The following JAK1 variants were observed in gnomAD, a reference collection of about 807,000 sequenced individuals.
The protein encoded by JAK1 is tyrosine-protein kinase JAK1.
Under a neutral mutation model 136.6 loss-of-function variants are expected in JAK1, and 16 were observed. The ratio of observed to expected loss-of-function variants is 0.12; its 90% CI spans 0.08 to 0.18. The LOEUF (loss-of-function observed/expected upper bound fraction) is 0.18, where lower values mean the gene tolerates loss of function less well. JAK1 is among the 10% of genes least tolerant of loss of function. The pLI, the probability that JAK1 is intolerant of heterozygous loss-of-function variation, is 1.00. For missense variants in JAK1, 859 were observed against 1,450.1 expected, an observed-to-expected ratio of 0.59 and a Z score of 6.62; for synonymous variants, 492 against 519.5, an observed-to-expected ratio of 0.95 and a Z score of 0.72.
chr1:64,995,825 C>T lies in JAK1; in HGVS notation c.-78+48655G>A, dbSNP rs370500470. Among the ~76,000 whole-genome samples the T allele has an allele frequency of 1.9e-4, 29 of 152,264 alleles. 5 individuals are homozygous for T. Among genetic ancestry groups the T allele is most frequent in the Admixed American group, 3.3e-4 (5 of 15,288 alleles). ...TGATCATGGCTCACTGCAGCCTCAA[C>T]CTCCCTACTCTCAGGTGATCCTCCC... On this transcript the variant is annotated intron_variant, in intron 2 of 25. Coordinates refer to the JAK1 transcript ENST00000671954.
chr1:64,946,467 T>G (rs571604448), intron 1 of JAK1, among the ~76,000 whole-genome samples: 5 of 152,364 alleles, frequency 3.3e-5, no homozygotes, highest in African/African-American at 9.6e-5. Context: ...CAAAGGTACA[T>G]ATTTATGCAT....
chr1:65,016,284 A>T (rs1646891478), intron 2 of JAK1, among the ~76,000 whole-genome samples: 1 of 152,192 alleles, frequency 6.6e-6, no homozygotes, highest in Admixed American at 6.5e-5. Context: ...GTAGTTGTAT[A>T]ACATTGTGGA....
chr1:64,918,997 T>C (rs1645447589), intron 1 of JAK1, among the ~76,000 whole-genome samples: 1 of 152,310 alleles, frequency 6.6e-6, no homozygotes, highest in East Asian at 1.9e-4. Context: ...AGGATATTAA[T>C]TTCACCTGGC....
At chr1:64,906,708 C>T (rs771479599) in intron 1 of JAK1, among the ~76,000 whole-genome samples, 7 of 152,150 alleles carry the variant, frequency 4.6e-5, no homozygotes, top group Non-Finnish European at 8.8e-5. Flanking sequence ...ACAGACAAAG[C>T]TCAATAAGTG....
At chr1:64,944,573 C>T (rs1313814605) in intron 1 of JAK1, among the ~76,000 whole-genome samples, 1 of 152,078 alleles carries the variant, frequency 6.6e-6, no homozygotes, top group Non-Finnish European at 1.5e-5. Context: ...AATGTTCATC[C>T]AGGAACACAG....
intron 1 of JAK1, among the ~76,000 whole-genome samples, chr1:64,911,480 T>C (rs749490161): frequency 6.6e-6 from 1 of 152,224 alleles, no homozygotes; most frequent in African/African-American, 2.4e-5. Context: ...TCATGCCGGA[T>C]AGAGGCCAAT....
intron 20 of JAK1, among the ~76,000 whole-genome samples, chr1:64,839,335 T>C (rs1654737764): frequency 6.6e-6 from 1 of 152,100 alleles, no homozygotes; most frequent in African/African-American, 2.4e-5. Flanking sequence ...AGAGTAGGAA[T>C]CAGTTTCATA....
At chr1:64,996,185 G>A (rs1646702492) in intron 2 of JAK1, among the ~76,000 whole-genome samples, 1 of 151,984 alleles carries the variant, frequency 6.6e-6, no homozygotes, top group South Asian at 2.1e-4. Flanking sequence ...TACCCCACAT[G>A]CATTATCAAC....
intron 17 of JAK1, among the ~76,000 whole-genome samples, chr1:64,843,286 G>T (rs777219040): frequency 1.3e-5 from 2 of 152,164 alleles, no homozygotes; most frequent in Non-Finnish European, 2.9e-5. Flanking sequence ...ACTGATGCCT[G>T]CCCCCTCTAA....
At chr1:64,848,272 A>AC (rs1329556970) in intron 12 of JAK1, among the ~76,000 whole-genome samples, 2 of 152,024 alleles carry the variant, frequency 1.3e-5, no homozygotes, top group Non-Finnish European at 2.9e-5. Flanking sequence ...ATGCGTAGAA[A>AC]CCCATCTGGT....
At chr1:64,850,703 A>C (rs752736745) in intron 12 of JAK1, 101 bp downstream of exon 12, 2 of 772,536 alleles carry the variant, frequency 2.6e-6, no homozygotes, top group Non-Finnish European at 2.2e-6. Flanking sequence ...TTTTCTACTA[A>C]GATTTCCCCA....
At chr1:64,967,632 T>G (rs763303957), upstream of JAK1, among the ~76,000 whole-genome samples, 8 of 152,166 alleles carry the variant, frequency 5.3e-5, no homozygotes, top group Non-Finnish European at 1.0e-4. Flanking sequence ...TTACTGCAAC[T>G]GAAACTGAGC....
intron 4 of JAK1, among the ~76,000 whole-genome samples, chr1:64,878,561 G>GTATGTA (rs1644714274): frequency 2.5e-5 from 3 of 119,932 alleles, no homozygotes; most frequent in Non-Finnish European, 5.3e-5. Flanking sequence ...TATATAGTGT[G>GTATGTA]TATATATATA....
chr1:64,991,569 T>G (rs1646657370), intron 2 of JAK1: 1 of 152,274 alleles, frequency 6.6e-6, no homozygotes, highest in African/African-American at 2.4e-5. Flanking sequence ...TGCAGATGCC[T>G]GCTTTCAAAA....
Position 64,879,159 on chromosome 1 carries a change from G to T in JAK1, c.206-11C>A. ...AAAGAGGAGAGATACCTGAGGAAAA[G>T]TAAAAAAACACATCAGAAAATCAAG... On this transcript the variant is annotated splice_polypyrimidine_tract_variant and intron_variant, in intron 3 of 24. Coordinates refer to ENST00000342505, the MANE Select transcript of JAK1 (RefSeq NM_002227.4). 6.2e-7 allele frequency: 1 copy of T among 1,613,088 alleles called. No homozygotes were observed.
intron 1 of JAK1, among the ~76,000 whole-genome samples, chr1:64,922,694 T>G (rs910166706): frequency 3.3e-5 from 5 of 152,160 alleles, no homozygotes; most frequent in African/African-American, 1.2e-4. Context: ...AATCTCCAAG[T>G]CTCGGCCAAA....
chr1:65,029,261 TA>T (rs1647003610), intron 2 of JAK1, among the ~76,000 whole-genome samples: 1 of 152,106 alleles, frequency 6.6e-6, no homozygotes, highest in Non-Finnish European at 1.5e-5. Flanking sequence ...TGTGCCCAGC[TA>T]ATTTTTTTTG....
At chr1:65,047,533 AC>A (rs1226058563) in intron 1 of JAK1, among the ~76,000 whole-genome samples, 8 of 152,126 alleles carry the variant, frequency 5.3e-5, no homozygotes, top group Non-Finnish European at 1.5e-5. Context: ...CCTGGCTAAC[AC>A]GGTGAAACCC....
chr1:64,992,545 T>A (rs1278591857), intron 2 of JAK1: 1 of 152,066 alleles, frequency 6.6e-6, no homozygotes, highest in Non-Finnish European at 1.5e-5. Flanking sequence ...GCATCCCAAC[T>A]TCCTGAAGCT....
Sources: allele counts gnomAD v4.1 joint callset (sites outside exome capture counted in the v4.1 genomes callset), GRCh38; gene constraint gnomAD v4.1.1; transcripts MANE v1.5; gene names NCBI Gene and HGNC (gene_info 2026-07-23, HGNC 2026-07-21).